The following UNC5D variants were observed in gnomAD, a reference collection of about 807,000 sequenced individuals.
The protein encoded by UNC5D is unc-5 netrin receptor D.
A neutral mutation model predicts 105.4 loss-of-function variants in UNC5D; 39 were observed. The observed-to-expected ratio is 0.37, with a 90% CI of 0.29 to 0.48. The LOEUF is 0.48. Among genes scored for constraint, UNC5D ranks in the 20% least tolerant of loss-of-function variants. The pLI is 0.98. For missense variants in UNC5D, 991 were observed against 1,202.4 expected (o/e 0.82, Z 2.60); for synonymous variants, 452 against 450.4 (o/e 1.00, Z -0.04).
intron 1 of UNC5D, among the ~76,000 whole-genome samples, chr8:35,522,729 G>A (rs960202020): frequency 6.6e-6 from 1 of 152,152 alleles, no homozygotes; most frequent in African/African-American, 2.4e-5. Flanking sequence ...TTTATAAAAT[G>A]TGAAACTGGA....
chr8:35,555,022 A>G (rs62505520), intron 2 of UNC5D, among the ~76,000 whole-genome samples: 1 of 152,228 alleles, frequency 6.6e-6, no homozygotes, highest in Non-Finnish European at 1.5e-5. Flanking sequence ...TCTGCTGGTA[A>G]TGGGGATTTG....
intron 1 of UNC5D, among the ~76,000 whole-genome samples, chr8:35,431,759 C>T (rs1346192313): frequency 6.6e-6 from 1 of 152,050 alleles, no homozygotes; most frequent in Non-Finnish European, 1.5e-5. Context: ...TTTTTGATAT[C>T]ACAGTACATA....
chr8:35,536,958 T>A (rs1313486715), intron 1 of UNC5D, among the ~76,000 whole-genome samples: 2 of 152,098 alleles, frequency 1.3e-5, no homozygotes, highest in Non-Finnish European at 2.9e-5. Flanking sequence ...ATCGTGCCAC[T>A]GCACTCCAGT....
At chr8:35,609,031 A>G (rs1820508177) in intron 4 of UNC5D, among the ~76,000 whole-genome samples, 1 of 152,192 alleles carries the variant, frequency 6.6e-6, no homozygotes, top group South Asian at 2.1e-4. Context: ...CCAACACTGT[A>G]TAAAAGTTGC....
chr8:35,253,473 C>CTTTTTTT (rs58063448), intron 1 of UNC5D, among the ~76,000 whole-genome samples: 4 of 99,824 alleles, frequency 4.0e-5, no homozygotes, highest in African/African-American at 3.8e-5. Context: ...ATTTTATTTC[C>CTTTTTTT]TTTTTTTTTT....
intron 1 of UNC5D, among the ~76,000 whole-genome samples, chr8:35,320,260 C>T (rs1809630470): frequency 6.6e-6 from 1 of 151,934 alleles, no homozygotes; most frequent in African/African-American, 2.4e-5. Flanking sequence ...TTTGGATGGG[C>T]ATTTGGTTGA....
At chr8:35,394,306 A>G (rs1803968040) in intron 1 of UNC5D, among the ~76,000 whole-genome samples, 1 of 152,226 alleles carries the variant, frequency 6.6e-6, no homozygotes, top group Admixed American at 6.5e-5. Flanking sequence ...GCAGAACAGT[A>G]AAATTCTATT....
chr8:35,633,437 A>G (rs1419447926), intron 4 of UNC5D, among the ~76,000 whole-genome samples: 3 of 151,410 alleles, frequency 2.0e-5, no homozygotes, highest in Non-Finnish European at 4.4e-5. Context: ...TTTATGTGAG[A>G]TTTTTTTTTA....
chr8:35,346,143 C>T (rs1439307761), intron 1 of UNC5D, among the ~76,000 whole-genome samples: 1 of 151,934 alleles, frequency 6.6e-6, no homozygotes, highest in African/African-American at 2.4e-5. Context: ...TTTGGGACAG[C>T]ATAGGCAAGA....
At chr8:35,480,575 A>G (rs755838910) in intron 1 of UNC5D, among the ~76,000 whole-genome samples, 30 of 152,176 alleles carry the variant, frequency 2.0e-4, no homozygotes, top group Non-Finnish European at 3.7e-4. Flanking sequence ...AATAATCATT[A>G]TTGAACAACT....
At chr8:35,326,862 T>C (rs1810203291) in intron 1 of UNC5D, among the ~76,000 whole-genome samples, 1 of 152,156 alleles carries the variant, frequency 6.6e-6, no homozygotes, top group African/African-American at 2.4e-5. Flanking sequence ...GGGGAGGCAC[T>C]GCACTGGTGC....
At chr8:35,501,035 C>G (rs1026445831) in intron 1 of UNC5D, among the ~76,000 whole-genome samples, 1 of 152,152 alleles carries the variant, frequency 6.6e-6, no homozygotes, top group Non-Finnish European at 1.5e-5. Flanking sequence ...GGGGACATGT[C>G]TGACTTGTTT....
intron 15 of UNC5D, among the ~76,000 whole-genome samples, chr8:35,773,744 C>T (rs1264673092): frequency 6.6e-6 from 1 of 152,084 alleles, no homozygotes; most frequent in African/African-American, 2.4e-5. Flanking sequence ...TTGTTTGAGG[C>T]GAAGTTTGGC....
intron 4 of UNC5D, among the ~76,000 whole-genome samples, chr8:35,650,703 C>A (rs958742764): frequency 6.6e-6 from 1 of 151,996 alleles, no homozygotes; most frequent in Admixed American, 6.6e-5. Flanking sequence ...AACTTCTGAC[C>A]TCAGGTGATC....
chr8:35,418,717 T>C (rs1805689823), intron 1 of UNC5D, among the ~76,000 whole-genome samples: 1 of 152,192 alleles, frequency 6.6e-6, no homozygotes, highest in African/African-American at 2.4e-5. Context: ...AGTAATATCA[T>C]GCTCTGCACA....
chr8:35,683,280 C>G (rs762321451), intron 4 of UNC5D, among the ~76,000 whole-genome samples: 2 of 152,176 alleles, frequency 1.3e-5, no homozygotes, highest in Non-Finnish European at 2.9e-5. Context: ...CTCTCCTCCA[C>G]TGCATTTTTA....
intron 1 of UNC5D, among the ~76,000 whole-genome samples, chr8:35,380,302 C>T (rs1203249883): frequency 1.3e-5 from 2 of 151,750 alleles, no homozygotes; most frequent in Non-Finnish European, 2.9e-5. Flanking sequence ...GAGGACCCCA[C>T]TCTCTGCATT....
intron 4 of UNC5D, among the ~76,000 whole-genome samples, chr8:35,597,343 A>G (rs1819551775): frequency 6.6e-6 from 1 of 152,162 alleles, no homozygotes; most frequent in African/African-American, 2.4e-5. Context: ...TTGCTGCCCT[A>G]TTGTTTCCTA....
intron 1 of UNC5D, among the ~76,000 whole-genome samples, chr8:35,357,106 T>C (rs569241502): frequency 6.6e-6 from 1 of 152,310 alleles, no homozygotes; most frequent in East Asian, 1.9e-4. Context: ...CTTGTTCATC[T>C]ACAGTCTCTT....
Sources: allele counts gnomAD v4.1 joint callset (sites outside exome capture counted in the v4.1 genomes callset), GRCh38; gene constraint gnomAD v4.1.1; transcripts MANE v1.5; gene names NCBI Gene and HGNC (gene_info 2026-07-23, HGNC 2026-07-21).